Variants in KIF19 observed in about 807,000 individuals in gnomAD.
The protein encoded by KIF19 is kinesin-like protein KIF19.
KIF19 carries 98 observed loss-of-function variants against 106.6 expected under a neutral mutation model. That is an observed-to-expected ratio of 0.92 (90% confidence interval 0.78 to 1.09). KIF19 has a LOEUF of 1.09. Among genes scored for constraint, KIF19 ranks in the 50% least tolerant of loss-of-function variants. KIF19 has a pLI of 0.00. For synonymous variants in KIF19, 516 were observed against 584.2 expected, an observed-to-expected ratio of 0.88 and a Z score of 1.68; for missense variants, 1,373 against 1,414.3, an observed-to-expected ratio of 0.97 and a Z score of 0.47.
At chr17:74,353,721 C>T in intron 17 of KIF19, 140 bp downstream of exon 17, 4 of 709,542 alleles carry the variant, frequency 5.6e-6, no homozygotes, top group African/African-American at 1.8e-5. Context: ...GTAGAGGCAC[C>T]ATTGCCCCTG....
intron 14 of KIF19, 141 bp downstream of exon 14, chr17:74,352,481 A>G: frequency 8.9e-7 from 1 of 1,127,412 alleles, no homozygotes; most frequent in Non-Finnish European, 1.2e-6. Context: ...TTTCCTTCTT[A>G]CCCCACCCAA....
rs758525276 is a variant in KIF19, at chr17:74,354,230, C to T, written c.2377C>T (p.Leu793=). Residue 793 remains leucine (L), a synonymous_variant, in exon 18 of 20, where the codon CTG becomes TTG. Coordinates refer to ENST00000389916, the MANE Select transcript of KIF19 (RefSeq NM_153209.4). ...GGCCGCCCGGCGGCGCTCGCGGGCC[C>T]TGGGAACCGAGGGGCGACACCTGCT... The part of the protein sequence containing the change: ...VKAARRRSRA[L]GTEGRHLLAP... 2 of 1,608,810 alleles carry T rather than the reference C, an allele frequency of 1.2e-6. No individual in the cohort carries two copies. Among genetic ancestry groups the T allele is most frequent in the Non-Finnish European group, 1.7e-6 (2 of 1,179,432 alleles).
Position 74,328,508 on chromosome 17 carries a change from A to G in KIF19, c.120+3A>G, listed in dbSNP as rs772685901. ...TCGCCCATAAAGTGGATGAGCAGGTATGCAGGGCTCTGCAGCAGGAGCTGC... is the reference window on the plus strand; with the variant it reads ...TCGCCCATAAAGTGGATGAGCAGGTGTGCAGGGCTCTGCAGCAGGAGCTGC... On this transcript the variant is annotated splice_donor_region_variant and intron_variant, in intron 2 of 19. Transcript: ENST00000389916. 1.3e-6 allele frequency: 2 copies of G among 1,567,602 alleles called. No homozygotes were observed. Among genetic ancestry groups the G allele is most frequent in the Non-Finnish European group, 8.7e-7 (1 of 1,146,392 alleles).
rs2054432035 is a variant in KIF19 at position 74,343,163 on chromosome 17, G to A, written c.456+3G>A. 5.0e-6 allele frequency: 8 copies of A among 1,611,806 alleles called. No homozygotes were observed. Among genetic ancestry groups the A allele is most frequent in the Non-Finnish European group, 6.8e-6 (8 of 1,179,574 alleles). ...AGGTCTCCATGTCCTACCTGGAGGT[G>A]AGTCCCCCAGCCTAGGCTCAGATGG... is the stretch of plus-strand genomic sequence containing the variant. On this transcript the variant is annotated splice_donor_region_variant and intron_variant, in intron 5 of 19. Transcript: ENST00000389916.
chr17:74,326,572 C>G (rs887133929), intron 1 of KIF19, among the ~76,000 whole-genome samples, 184 bp downstream of exon 1: 2 of 152,178 alleles, frequency 1.3e-5, no homozygotes, highest in African/African-American at 4.8e-5. Context: ...GGACCATGGC[C>G]TTTTTAGACT....
In KIF19 at chr17:74,355,238, CGGGCTACCCGT is replaced by C; in HGVS notation, c.2928_2938del (p.Thr977ProfsTer18). 6.2e-7 allele frequency: 1 copy of C among 1,612,730 alleles called. No homozygotes were observed. Among genetic ancestry groups the C allele is most frequent in the Non-Finnish European group, 8.5e-7 (1 of 1,179,666 alleles). Reference sequence around the variant, plus strand: ...CCCCAACCCAGGTGGTGGTTCTCGACGGGCTACCCGTGGGCCCCGCCTGCCCCACGGCACAA... The same window carrying C: ...CCCCAACCCAGGTGGTGGTTCTCGACGGGCCCCGCCTGCCCCACGGCACAA... On this transcript the variant is annotated frameshift_variant, in exon 20 of 20. Coordinates refer to ENST00000389916, the MANE Select transcript of KIF19 (RefSeq NM_153209.4). LOFTEE classifies it high-confidence loss of function.
intron 2 of KIF19, among the ~76,000 whole-genome samples, chr17:74,330,028 C>T (rs529974806): frequency 2.0e-3 from 301 of 152,364 alleles, no homozygotes; most frequent in African/African-American, 6.9e-3. Flanking sequence ...AAGCCTCTTT[C>T]TTCAGCAGTG....
intron 7 of KIF19, among the ~76,000 whole-genome samples, chr17:74,345,956 A>G (rs2054519567): frequency 6.6e-6 from 1 of 152,128 alleles, no homozygotes; most frequent in Admixed American, 6.5e-5. Flanking sequence ...CAGGCCCAAG[A>G]AAAGGAGAAG....
At position 74,346,186 on chromosome 17, in the gene KIF19, A is replaced by C. The variant is rs990369254; in HGVS notation, c.778-192A>C. Among the ~76,000 whole-genome samples, 1 of 151,844 alleles carries C rather than the reference A, an allele frequency of 6.6e-6. No individual in the cohort carries two copies. Among genetic ancestry groups the C allele is most frequent in the Non-Finnish European group, 1.5e-5 (1 of 67,918 alleles). On this transcript the variant is annotated intron_variant, in intron 7 of 19. Coordinates refer to ENST00000389916, the MANE Select transcript of KIF19 (RefSeq NM_153209.4). This position sits in a 1 kb window ranked among gnomAD's most constrained non-coding sequence, Gnocchi z 4.6. Reference sequence around the variant, plus strand: ...CCTCCTCAGAAGCTGTCAGCCCATCACTCTTGTTCAGAGGCCTCTGGGTCT... The same window carrying C: ...CCTCCTCAGAAGCTGTCAGCCCATCCCTCTTGTTCAGAGGCCTCTGGGTCT...
chr17:74,347,330 A>G (rs1038706505), intron 8 of KIF19, among the ~76,000 whole-genome samples: 1 of 152,164 alleles, frequency 6.6e-6, no homozygotes, highest in Non-Finnish European at 1.5e-5. Context: ...TAAGGTCAGG[A>G]GTTCAAGACA....
In KIF19 at chr17:74,351,937, GCATCGGCTC is replaced by G; in HGVS notation, c.1660_1668del (p.Ile554_Ser556del). On this transcript the variant is annotated inframe_deletion, in exon 13 of 20. Transcript: ENST00000389916. ...CGCCTGGAGGAGACGCTGCCGCGGC[GCATCGGCTC>G]CGAGGAGCAGCGCGAGGTGCTCAGC... The G allele has an allele frequency of 1.4e-6, 2 of 1,457,364 alleles. No individual in the cohort carries two copies. The highest frequency in any genetic ancestry group is 1.8e-6 in the Non-Finnish European group (2 of 1,111,218). The allele number at this position is 1,457,364 out of a possible 1,614,324, so 90.3% of individuals were successfully genotyped here.
intron 2 of KIF19, among the ~76,000 whole-genome samples, chr17:74,333,515 A>G (rs2144209440): frequency 6.6e-6 from 1 of 152,102 alleles, no homozygotes; most frequent in South Asian, 2.1e-4. Context: ...GGTGTGTGCC[A>G]CCATGTCTGG....
intron 2 of KIF19, among the ~76,000 whole-genome samples, chr17:74,332,186 GTGTGTGTGTGTGTGTGTGTGTGTT>G (rs1352703131): frequency 4.1e-4 from 17 of 41,110 alleles, no homozygotes; most frequent in African/African-American, 1.4e-3. Context: ...CTCAGTGTGT[GTGTGTGTGTGTGTGTGTGTGTGTT>G]TGTGTGTGTG....
intron 7 of KIF19, among the ~76,000 whole-genome samples, chr17:74,345,189 C>T (rs1055873912): frequency 6.6e-6 from 1 of 151,952 alleles, no homozygotes; most frequent in Non-Finnish European, 1.5e-5. Context: ...GAGGAACGTT[C>T]CAGAGGAGCA....
intron 12 of KIF19, 23 bp downstream of exon 12, chr17:74,350,928 A>C (rs1012222581): frequency 1.9e-5 from 30 of 1,611,952 alleles, no homozygotes; most frequent in Non-Finnish European, 2.4e-5. Context: ...TGGGGGGACA[A>C]GGAGAGTGGG....
chr17:74,340,841 G>A (rs2054352820), intron 2 of KIF19, among the ~76,000 whole-genome samples: 1 of 152,262 alleles, frequency 6.6e-6, no homozygotes, highest in Non-Finnish European at 1.5e-5. Flanking sequence ...GCCCTGGAGG[G>A]GTGAGGCGGA....
Position 74,351,880 on chromosome 17 carries a change from AG to A in KIF19, c.1602del (p.Gln534HisfsTer141). 7.2e-7 allele frequency: 1 copy of A among 1,392,600 alleles called. No individual in the cohort carries two copies. The allele number at this position is 1,392,600 out of a possible 1,614,324, so 86.3% of individuals were successfully genotyped here. A position where few individuals can be genotyped will look rare whatever the true frequency, so the allele number is the denominator to read the frequency against. On this transcript the variant is annotated frameshift_variant, in exon 13 of 20. Transcript: ENST00000389916. LOFTEE classifies it high-confidence loss of function. ...CGCCTCCTGCAGCTGGCGCTGGAGC[AG>A]CGCTGCCGGGAGCTGCGCGCGCGGG... Reference protein sequence around the residue: ...QLRKQKLALEQRCRELRARGR... With the variant: ...QLRKQKLALEXRCRELRARGR...
intron 2 of KIF19, among the ~76,000 whole-genome samples, chr17:74,336,972 C>T (rs2382645): frequency 0.11 from 17,022 of 151,994 alleles, 1,466 homozygotes; most frequent in East Asian, 0.35. Flanking sequence ...ACTACAGGCG[C>T]GTGCCACCAT....
chr17:74,341,300 G>A (rs977156072), intron 2 of KIF19, among the ~76,000 whole-genome samples: 3 of 152,136 alleles, frequency 2.0e-5, no homozygotes, highest in African/African-American at 4.8e-5. Context: ...CCTGGGCAAC[G>A]AGCAAGACTC....
Sources: allele counts gnomAD v4.1 joint callset (sites outside exome capture counted in the v4.1 genomes callset), GRCh38; gene constraint gnomAD v4.1.1; non-coding constraint Gnocchi (gnomAD v3.1); transcripts MANE v1.5; gene names NCBI Gene and HGNC (gene_info 2026-07-23, HGNC 2026-07-21).